The following GCNT1 variants were observed in gnomAD, a reference collection of about 807,000 sequenced individuals.
The protein encoded by GCNT1 is beta-1,3-galactosyl-O-glycosyl-glycoprotein beta-1,6-N-acetylglucosaminyltransferase.
In GCNT1, 16 loss-of-function variants were observed where a neutral mutation model predicts 26.2. That is an observed-to-expected ratio of 0.61 (90% CI 0.41 to 0.93). The LOEUF is 0.93. GCNT1 is among the 40% of genes least tolerant of loss of function. The pLI is 0.00. For missense variants in GCNT1, 477 were observed against 526.7 expected, an observed-to-expected ratio of 0.91 and a Z score of 0.92; for synonymous variants, 183 against 190.8, an observed-to-expected ratio of 0.96 and a Z score of 0.34.
At chr9:76,486,529 T>C (rs1220818479) in intron 2 of GCNT1, among the ~76,000 whole-genome samples, 2 of 152,204 alleles carry the variant, frequency 1.3e-5, no homozygotes, top group Admixed American at 6.5e-5. Context: ...TTGCACGGTC[T>C]CAGCTTTCCC....
chr9:76,429,715 CTTTTTTT>C (rs59977325), intron 1 of GCNT1, among the ~76,000 whole-genome samples: 3 of 107,108 alleles, frequency 2.8e-5, no homozygotes, highest in Non-Finnish European at 3.9e-5. Context: ...TGTTTTCTTT[CTTTTTTT>C]TTTTTTTTTT....
At chr9:76,463,051 A>G (rs1823908379) in intron 2 of GCNT1, among the ~76,000 whole-genome samples, 1 of 152,206 alleles carries the variant, frequency 6.6e-6, no homozygotes, top group Admixed American at 6.5e-5. Context: ...ACTTTCTCAA[A>G]GGGAGCGCTA....
intron 2 of GCNT1, among the ~76,000 whole-genome samples, chr9:76,497,623 GACC>G (rs1453029688): frequency 1.3e-5 from 2 of 152,178 alleles, no homozygotes; most frequent in African/African-American, 4.8e-5. Context: ...CAGTGGTAAA[GACC>G]TATGCCTTTT....
rs772694784 is a variant in GCNT1 at position 76,503,964 on chromosome 9, C to T, written c.*296C>T. 1.7e-4 allele frequency: 68 copies of T among 391,056 alleles called. No homozygotes were observed. The highest frequency in any genetic ancestry group is 5.4e-4 in the Admixed American group (14 of 25,876). The allele number at this position is 391,056 out of a possible 1,614,324, so 24.2% of individuals were successfully genotyped here. ...GGACCAGGGTGGCTGGGGAAGAGGC[C>T]GATGCATAAAGTCAGCCTGTTCAAA... On this transcript the variant is annotated 3_prime_UTR_variant, in exon 4 of 4. Transcript: ENST00000376730.
chr9:76,471,083 C>A (rs920013162), intron 2 of GCNT1, among the ~76,000 whole-genome samples: 4 of 152,234 alleles, frequency 2.6e-5, no homozygotes, highest in Non-Finnish European at 5.9e-5. Flanking sequence ...TTGTGAGGAT[C>A]TGGTTCTCAC....
intron 1 of GCNT1, among the ~76,000 whole-genome samples, chr9:76,443,193 C>T (rs1823507604): frequency 6.6e-6 from 1 of 152,170 alleles, no homozygotes; most frequent in South Asian, 2.1e-4. Context: ...GAAACCCCGT[C>T]TGTGAAGACC....
intron 2 of GCNT1, among the ~76,000 whole-genome samples, chr9:76,499,844 AT>A (rs893474086): frequency 7.2e-5 from 11 of 152,016 alleles, no homozygotes; most frequent in East Asian, 1.9e-4. Context: ...TTGATACATT[AT>A]TTTTTTCAAC....
chr9:76,428,195 G>A (rs1270742529), intron 1 of GCNT1, among the ~76,000 whole-genome samples: 1 of 147,652 alleles, frequency 6.8e-6, no homozygotes, highest in African/African-American at 2.5e-5. Flanking sequence ...GAGCCCGGGA[G>A]GTGGAGCTTG....
chr9:76,452,582 AC>A (rs1823689106), intron 1 of GCNT1, among the ~76,000 whole-genome samples: 3 of 152,102 alleles, frequency 2.0e-5, no homozygotes, highest in Non-Finnish European at 2.9e-5. Context: ...GGTACATCTT[AC>A]ACGGCTGGAG....
At chr9:76,501,215 G>C (rs867114158) in intron 3 of GCNT1, among the ~76,000 whole-genome samples, 154 bp downstream of exon 3, 34 of 152,230 alleles carry the variant, frequency 2.2e-4, no homozygotes, top group South Asian at 8.3e-4. Flanking sequence ...TAGAAATCTT[G>C]TTATGAACAG....
chr9:76,421,383 C>G (rs141755217), intron 1 of GCNT1, among the ~76,000 whole-genome samples: 3 of 151,892 alleles, frequency 2.0e-5, no homozygotes, highest in Admixed American at 6.6e-5. Context: ...GCAGATCACA[C>G]GAGGTCAGGA....
intron 1 of GCNT1, among the ~76,000 whole-genome samples, chr9:76,452,959 G>T (rs1297435713): frequency 6.6e-6 from 1 of 152,152 alleles, no homozygotes; most frequent in Non-Finnish European, 1.5e-5. Context: ...GGAATAAAAG[G>T]TTACCTCACT....
At chr9:76,414,364 C>T in the GCNT1 span, among the ~76,000 whole-genome samples, 39 of 152,248 alleles carry the variant, frequency 2.6e-4, no homozygotes, top group East Asian at 2.7e-3. Context: ...ATGGTCCTAT[C>T]GTTACCAGAA....
the GCNT1 span, among the ~76,000 whole-genome samples, chr9:76,408,672 G>A: frequency 3.3e-5 from 5 of 151,844 alleles, no homozygotes; most frequent in Admixed American, 2.6e-4. Flanking sequence ...CACTTCCTCC[G>A]CTTCTATTTT....
chr9:76,484,540 T>G (rs1824514199), intron 2 of GCNT1, among the ~76,000 whole-genome samples: 2 of 152,174 alleles, frequency 1.3e-5, no homozygotes, highest in African/African-American at 4.8e-5. Flanking sequence ...ACTGTTTGAC[T>G]TAATAGAAAA....
At chr9:76,406,838 A>G in the GCNT1 span, among the ~76,000 whole-genome samples, 1 of 152,160 alleles carries the variant, frequency 6.6e-6, no homozygotes, top group African/African-American at 2.4e-5. Flanking sequence ...GCCAGGAGTT[A>G]GAGACCATCC....
chr9:76,487,491 G>A (rs1413820548), intron 2 of GCNT1, among the ~76,000 whole-genome samples: 1 of 152,180 alleles, frequency 6.6e-6, no homozygotes, highest in East Asian at 1.9e-4. Flanking sequence ...TCCATCAGCG[G>A]TTTGTTTATG....
chr9:76,483,195 A>G (rs1824468587), intron 2 of GCNT1, among the ~76,000 whole-genome samples: 1 of 152,154 alleles, frequency 6.6e-6, no homozygotes, highest in South Asian at 2.1e-4. Context: ...AAAATTTTAA[A>G]AAAGTATTTG....
At chr9:76,456,970 G>A (rs1253789308), upstream of GCNT1, among the ~76,000 whole-genome samples, 1 of 152,158 alleles carries the variant, frequency 6.6e-6, no homozygotes, top group Admixed American at 6.5e-5. Context: ...GTGAGACCCT[G>A]TCACATACAC....
Sources: gnomAD v4.1 joint callset for allele counts (sites outside exome capture counted in the v4.1 genomes callset) on GRCh38, gnomAD v4.1.1 for gene constraint, MANE v1.5 for transcripts, NCBI Gene and HGNC (gene_info 2026-07-23, HGNC 2026-07-21) for gene names.